Variants in SMARCA2 observed in about 807,000 individuals in gnomAD.
SMARCA2 encodes SWI/SNF-related matrix-associated actin-dependent regulator of chromatin subfamily A member 2.
A neutral mutation model predicts 199.8 loss-of-function variants in SMARCA2; 61 were observed. The ratio of observed to expected loss-of-function variants is 0.31; its 90% CI spans 0.25 to 0.38. The LOEUF (loss-of-function observed/expected upper bound fraction) is 0.38, where lower values mean the gene tolerates loss of function less well. Among genes scored for constraint, SMARCA2 ranks in the 10% least tolerant of loss-of-function variants. SMARCA2 has a pLI of 1.00. For missense variants in SMARCA2, 1,344 were observed against 2,012.2 expected (o/e 0.67, Z 6.35); for synonymous variants, 935 against 732.0 (o/e 1.28, Z -4.48).
In SMARCA2 at chr9:2,084,078, C is replaced by A; in HGVS notation, c.2416-8C>A. 6.5e-7 allele frequency: 1 copy of A among 1,548,654 alleles called. No individual in the cohort carries two copies. The highest frequency in any genetic ancestry group is 8.9e-7 in the Non-Finnish European group (1 of 1,124,856). ...GGATCATGCATGTATTTTTTTCTTTCCATTCAGGGTACTCCTGCCATGCGT... is the reference window on the plus strand; with the variant it reads ...GGATCATGCATGTATTTTTTTCTTTACATTCAGGGTACTCCTGCCATGCGT... On this transcript the variant is annotated splice_region_variant and splice_polypyrimidine_tract_variant and intron_variant, in intron 16 of 33. Coordinates refer to ENST00000349721, the MANE Select transcript of SMARCA2 (RefSeq NM_003070.5).
chr9:2,045,193 T>A (rs181874892), intron 4 of SMARCA2: 2 of 152,330 alleles, frequency 1.3e-5, no homozygotes, highest in Admixed American at 1.3e-4. Context: ...TTAAAGTAAT[T>A]CTTCCGATAT....
At chr9:2,055,972 C>A (rs946039143) in intron 6 of SMARCA2, among the ~76,000 whole-genome samples, 1 of 152,150 alleles carries the variant, frequency 6.6e-6, no homozygotes, top group South Asian at 2.1e-4. Context: ...ATTAAATTAA[C>A]TGTAACTAAT....
At chr9:2,133,267 C>G (rs1220531838) in intron 27 of SMARCA2, among the ~76,000 whole-genome samples, 1 of 152,108 alleles carries the variant, frequency 6.6e-6, no homozygotes, top group African/African-American at 2.4e-5. Context: ...AGGAATATGT[C>G]TATCTGAATC....
intron 27 of SMARCA2, among the ~76,000 whole-genome samples, chr9:2,129,278 C>T (rs1272294414): frequency 1.3e-5 from 2 of 152,034 alleles, no homozygotes; most frequent in Non-Finnish European, 2.9e-5. Flanking sequence ...ATTAGCCGGG[C>T]GTGGTGGCAC....
rs372140474 is a variant in SMARCA2 at position 2,062,377 on chromosome 9, A to G, written c.1692+1391A>G. Among the ~76,000 whole-genome samples, 262 of 152,312 alleles carry G rather than the reference A, an allele frequency of 1.7e-3. 1 individual carries two copies. Among genetic ancestry groups the G allele is most frequent in the Middle Eastern group, 0.017 (5 of 294 alleles). ...GGTTGTCACTGTTAGTGTTTTTAGTATTAAAATTTTTGTATTTTACATTTC... is the reference window on the plus strand; with the variant it reads ...GGTTGTCACTGTTAGTGTTTTTAGTGTTAAAATTTTTGTATTTTACATTTC... On this transcript the variant is annotated intron_variant, in intron 9 of 33. Coordinates refer to ENST00000349721, the MANE Select transcript of SMARCA2 (RefSeq NM_003070.5).
intron 19 of SMARCA2, among the ~76,000 whole-genome samples, chr9:2,093,097 G>A (rs1172719098): frequency 6.6e-6 from 1 of 152,158 alleles, no homozygotes; most frequent in African/African-American, 2.4e-5. Context: ...AGAAATGGGA[G>A]GCATGGTGTG....
chr9:2,189,892 A>G (rs958663360), intron 32 of SMARCA2, among the ~76,000 whole-genome samples: 6 of 145,290 alleles, frequency 4.1e-5, no homozygotes, highest in East Asian at 2.0e-4. Flanking sequence ...CTACTTCACA[A>G]AAGAAGTCTG....
intron 29 of SMARCA2, among the ~76,000 whole-genome samples, chr9:2,176,727 A>T (rs1563829937): frequency 2.0e-5 from 3 of 147,588 alleles, no homozygotes; most frequent in East Asian, 4.0e-4. Flanking sequence ...TAAGTTTTGT[A>T]TTTTTTTTTT....
intron 27 of SMARCA2, among the ~76,000 whole-genome samples, chr9:2,131,565 C>A (rs1823950602): frequency 6.6e-6 from 1 of 152,188 alleles, no homozygotes; most frequent in Non-Finnish European, 1.5e-5. Context: ...ACCAGTCTGT[C>A]ACCAGGTGAC....
At chr9:2,139,092 A>C (rs910684446) in intron 27 of SMARCA2, among the ~76,000 whole-genome samples, 7 of 152,230 alleles carry the variant, frequency 4.6e-5, no homozygotes, top group African/African-American at 1.7e-4. Flanking sequence ...ACAGGACACC[A>C]ACATGGTGGA....
chr9:2,138,410 T>A (rs1422134106), intron 27 of SMARCA2, among the ~76,000 whole-genome samples: 1 of 152,226 alleles, frequency 6.6e-6, no homozygotes, highest in Admixed American at 6.5e-5. Context: ...GTCACTCCTA[T>A]TGAAATAAGT....
rs10964470 is a variant in SMARCA2 at position 2,029,196 on chromosome 9, G to A, written c.174G>A (p.Pro58=). 13,413 of 1,613,282 alleles carry A rather than the reference G, an allele frequency of 8.3e-3. 961 individuals are homozygous for A. The African/African-American group carries it at 0.16, about 19-fold the overall frequency. ...CTCCAAGTGTCTCCCATCCTATGCC[G>A]ACGATGGGGTCCACAGACTTCCCAC... ...PGPPSVSHPM[P]TMGSTDFPQE... Residue 58 remains proline, a synonymous_variant, in exon 2 of 34, where the codon CCG becomes CCA. Transcript: ENST00000349721.
intron 26 of SMARCA2, among the ~76,000 whole-genome samples, chr9:2,121,705 A>G (rs1823470585): frequency 6.6e-6 from 1 of 152,244 alleles, no homozygotes; most frequent in African/African-American, 2.4e-5. Context: ...CAGATAGTTT[A>G]TTTAAAATAA....
chr9:2,188,449 A>T (rs1339503943), intron 32 of SMARCA2, among the ~76,000 whole-genome samples: 1 of 152,048 alleles, frequency 6.6e-6, no homozygotes. Context: ...TCTGCCTTTT[A>T]TTTGTTATGA....
At chr9:2,156,193 G>T (rs1331360266) in intron 27 of SMARCA2, among the ~76,000 whole-genome samples, 1 of 152,154 alleles carries the variant, frequency 6.6e-6, no homozygotes. Context: ...GGGCAAGACT[G>T]AACGTGCTAT....
At chr9:2,019,261 G>C (rs767053383) in intron 1 of SMARCA2, among the ~76,000 whole-genome samples, 24 of 152,106 alleles carry the variant, frequency 1.6e-4, no homozygotes, top group Non-Finnish European at 2.8e-4. Flanking sequence ...CCCTTGAAGA[G>C]GGTGAGGGGA....
chr9:2,148,720 G>A (rs1563803045), intron 27 of SMARCA2, among the ~76,000 whole-genome samples: 2 of 151,358 alleles, frequency 1.3e-5, no homozygotes, highest in East Asian at 3.9e-4. Context: ...TGTTGCCTAG[G>A]CTGGTCTCTA....
chr9:2,157,841 GC>G, intron 27 of SMARCA2: 1 of 398,400 alleles, frequency 2.5e-6, no homozygotes, highest in Non-Finnish European at 4.4e-6. Context: ...AGAAGAAGGC[GC>G]CTGAGGCTGA....
chr9:2,058,425 G>C lies in SMARCA2; in HGVS notation c.1482G>C (p.Glu494Asp). Residue 494 changes from glutamate (E) to aspartate (D), a missense_variant, in exon 8 of 34, where the codon GAG becomes GAC. Around this residue, in one of 18 missense-constraint regions of SMARCA2, gnomAD observed 155 missense variants for 260.0 expected, o/e 0.60. Transcript: ENST00000349721. ...HANTEREQKK[E>D]TERIEKERMR... ...ACACTGAAAGAGAGCAGAAGAAGGA[G>C]ACAGAGCGGATTGAAAAGGAGAGAA... 6.2e-7 allele frequency: 1 copy of C among 1,614,220 alleles called. No individual in the cohort carries two copies. Among genetic ancestry groups the C allele is most frequent in the Non-Finnish European group, 8.5e-7 (1 of 1,180,038 alleles).
Sources: allele counts gnomAD v4.1 joint callset (sites outside exome capture counted in the v4.1 genomes callset), GRCh38; gene constraint gnomAD v4.1.1; regional missense constraint gnomAD v4.1.1; transcripts MANE v1.5; gene names NCBI Gene and HGNC (gene_info 2026-07-23, HGNC 2026-07-21).